Variants in LIMK1 observed in about 807,000 individuals in gnomAD.
The protein encoded by LIMK1 is LIM motif-containing protein kinase.
In LIMK1, 21 loss-of-function variants were observed where a neutral mutation model predicts 77.6. The ratio of observed to expected loss-of-function variants is 0.27; its 90% confidence interval spans 0.19 to 0.39. The LOEUF (loss-of-function observed/expected upper bound fraction) is 0.39. Among genes scored for constraint, LIMK1 ranks in the 10% least tolerant of loss-of-function variants. The probability of loss-of-function intolerance (pLI) is 1.00; values close to 1 mark genes in which losing one functional copy is unlikely to be tolerated. For missense variants in LIMK1, 696 were observed against 901.6 expected (o/e 0.77, Z 2.92); for synonymous variants, 358 against 370.0 (o/e 0.97, Z 0.37).
intron 10 of LIMK1, 71 bp downstream of exon 10, chr7:74,109,107 A>T (rs1168663486): frequency 2.4e-6 from 3 of 1,228,638 alleles, no homozygotes; most frequent in Non-Finnish European, 3.5e-6. Flanking sequence ...TGTGAGCCTC[A>T]GTCTCATCTC....
At chr7:74,105,467 T>C (rs939998946) in intron 5 of LIMK1, among the ~76,000 whole-genome samples, 5 of 150,750 alleles carry the variant, frequency 3.3e-5, no homozygotes, top group African/African-American at 9.8e-5. Flanking sequence ...GAGCTGAGAT[T>C]GTGCCATTGC....
At chr7:74,118,377 A>ACACACACAC (rs1799861424) in intron 13 of LIMK1, among the ~76,000 whole-genome samples, 1 of 130,044 alleles carries the variant, frequency 7.7e-6, no homozygotes, top group African/African-American at 3.0e-5. Flanking sequence ...CTCTGTGTCA[A>ACACACACAC]ACACACACAC....
In LIMK1 at chr7:74,107,001, G is replaced by GC. The variant is rs782176889; in HGVS notation, c.882-3dup. 6.4e-7 allele frequency: 1 copy of GC among 1,566,370 alleles called. No individual in the cohort carries two copies. The highest frequency in any genetic ancestry group is 8.6e-7 in the Non-Finnish European group (1 of 1,156,530). On this transcript the variant is annotated splice_polypyrimidine_tract_variant and intron_variant, in intron 7 of 15. Transcript: ENST00000336180. The stretch of plus-strand genomic sequence containing the variant: ...CCCGGTGGCACTTGGCACCATGTGT[G>GC]CCCCCCAGGAGGAGCTGCAGCATCG...
chr7:74,091,954 C>CG (rs1799245151), intron 2 of LIMK1, among the ~76,000 whole-genome samples: 20 of 80,624 alleles, frequency 2.5e-4, no homozygotes, highest in Non-Finnish European at 3.6e-4. Flanking sequence ...GGCTGTACAG[C>CG]TTTTTTTTTT....
chr7:74,115,954 C>G lies in LIMK1; in HGVS notation c.1563C>G (p.Ile521Met). 2 of 1,613,842 alleles carry G rather than the reference C, an allele frequency of 1.2e-6. No individual in the cohort carries two copies. The highest frequency in any genetic ancestry group is 1.7e-6 in the Non-Finnish European group (2 of 1,179,774). ...CCTACTGGATGGCACCTGAGATGAT[C>G]AACGGTGAGTGGTTCAGCCCTGCCC... ...GNPYWMAPEM[I>M]NGRSYDEKVD... The change falls in exon 13 of 16, where the codon ATC (isoleucine) becomes ATG (methionine). Residue 521 changes from isoleucine to methionine, a missense_variant. By Grantham distance (10) the Ile-to-Met change is conservative. Transcript: ENST00000336180.
intron 7 of LIMK1, 98 bp from the exon 8 acceptor site, chr7:74,106,912 C>T (rs782145111): frequency 4.6e-4 from 560 of 1,205,358 alleles, no homozygotes; most frequent in Admixed American, 5.9e-4. Context: ...CATAGACTGG[C>T]ATGGACAGGG....
chr7:74,098,259 T>G (rs1799375191), intron 4 of LIMK1, among the ~76,000 whole-genome samples: 1 of 152,128 alleles, frequency 6.6e-6, no homozygotes, highest in African/African-American at 2.4e-5. Context: ...TCTGAGGGGC[T>G]CATGAATAAC....
At chr7:74,116,019 A>G in intron 13 of LIMK1, 61 bp downstream of exon 13, 21 of 1,551,752 alleles carry the variant, frequency 1.4e-5, no homozygotes, top group Non-Finnish European at 1.7e-5. Context: ...AGCCCAGGAG[A>G]GCTGTAACCT....
rs200431242 is a variant in LIMK1, at chr7:74,112,045, G to A, written c.1410+47G>A. 347 of 1,467,268 alleles carry A rather than the reference G, an allele frequency of 2.4e-4. 2 individuals are homozygous for A. In the East Asian group the frequency reaches 4.6e-3, roughly 20 times the overall value. 90.9% of individuals were successfully genotyped at this position (1,467,268 alleles called of 1,614,324 possible). ...GGCTGGGTGTCAGGAGACAGCAGGA[G>A]CCCATCCAACCCCAGCCTCAGGGCC... is the stretch of plus-strand genomic sequence containing the variant. On this transcript the variant is annotated intron_variant, in intron 12 of 15. Transcript: ENST00000336180.
Position 74,121,406 on chromosome 7 carries a change from T to G in LIMK1, c.*105T>G. 1.7e-6 allele frequency: 2 copies of G among 1,178,476 alleles called. No homozygotes were observed. Among genetic ancestry groups the G allele is most frequent in the Non-Finnish European group, 2.3e-6 (2 of 860,652 alleles). 73.0% of individuals were successfully genotyped at this position (1,178,476 alleles called of 1,614,324 possible). A position where few individuals can be genotyped will look rare whatever the true frequency, so the allele number is the denominator to read the frequency against. ...AGCTGGGACAGTGGGGACCCAGGCT[T>G]CTCCTCAGAGCCAGGCCCTGACTTG... On this transcript the variant is annotated 3_prime_UTR_variant, in exon 16 of 16. Coordinates refer to ENST00000336180, the MANE Select transcript of LIMK1 (RefSeq NM_002314.4).
intron 12 of LIMK1, among the ~76,000 whole-genome samples, chr7:74,114,060 C>T (rs1799756430): frequency 6.6e-6 from 1 of 151,946 alleles, no homozygotes; most frequent in Non-Finnish European, 1.5e-5. Flanking sequence ...AGACCAGCCT[C>T]ACCAACACAG....
intron 12 of LIMK1, chr7:74,115,379 C>T (rs466726): frequency 0.71 from 113,970 of 161,404 alleles, 41,228 homozygotes; most frequent in Middle Eastern, 0.86. Flanking sequence ...GCCGAGATCG[C>T]GCCACTGCGC....
rs534243220 is a variant in LIMK1 at position 74,092,531 on chromosome 7, C to T, written c.153-4091C>T. ...CCTGCCCCTTTCTGTGTTCTGACCT[C>T]CCAGCCCCTTGCAGGCCCTGCCTCC... is the stretch of plus-strand genomic sequence containing the variant. On this transcript the variant is annotated intron_variant, in intron 2 of 15. Transcript: ENST00000336180. Among the ~76,000 whole-genome samples the T allele has an allele frequency of 3.9e-5, 6 of 152,308 alleles. No homozygotes were observed. The East Asian group carries it at 1.2e-3, about 29-fold the overall frequency.
Position 74,109,043 on chromosome 7 carries a change from C to T in LIMK1, c.1284+7C>T. The T allele has an allele frequency of 6.2e-7, 1 of 1,609,456 alleles. No individual in the cohort carries two copies. Among genetic ancestry groups the T allele is most frequent in the East Asian group, 2.2e-5 (1 of 44,812 alleles). ...GGGCATCATCAAGAGCATGGTGAGT[C>T]CTGGGCAGAGCCAGCCACCCCCGCT... is the stretch of plus-strand genomic sequence containing the variant. On this transcript the variant is annotated splice_region_variant and intron_variant, in intron 10 of 15. Transcript: ENST00000336180.
chr7:74,086,885 G>T (rs1002386349), intron 2 of LIMK1, among the ~76,000 whole-genome samples: 5 of 152,150 alleles, frequency 3.3e-5, no homozygotes, highest in African/African-American at 1.2e-4. Flanking sequence ...CAGGCTGCTT[G>T]CGAACATGCA....
intron 5 of LIMK1, among the ~76,000 whole-genome samples, chr7:74,104,310 C>T (rs1799523654): frequency 6.6e-6 from 1 of 151,912 alleles, no homozygotes; most frequent in East Asian, 1.9e-4. Context: ...AGGGCAGAGA[C>T]AAAGTGAGCA....
At position 74,120,984 on chromosome 7, in the gene LIMK1, C is replaced by T; in HGVS notation, c.1716C>T (p.Pro572=). 1 of 1,611,924 alleles carries T rather than the reference C, an allele frequency of 6.2e-7. No individual in the cohort carries two copies. Among genetic ancestry groups the T allele is most frequent in the South Asian group, 1.1e-5 (1 of 90,930 alleles). Residue 572 remains proline, a synonymous_variant, in exon 15 of 16, where the codon CCC becomes CCT. Coordinates refer to ENST00000336180, the MANE Select transcript of LIMK1 (RefSeq NM_002314.4). The part of the protein sequence containing the change: ...NVRGFLDRYC[P]PNCPPSFFPI... The stretch of plus-strand genomic sequence containing the variant: ...GAGGATTCCTGGACCGCTACTGCCC[C>T]CCAAACTGCCCCCCGAGCTTCTTCC...
chr7:74,108,181 A>T (rs1017608826), intron 9 of LIMK1, among the ~76,000 whole-genome samples: 7 of 151,388 alleles, frequency 4.6e-5, no homozygotes, highest in East Asian at 1.9e-4. Context: ...CTACAAAAAA[A>T]TTTTAAATTA....
intron 2 of LIMK1, among the ~76,000 whole-genome samples, chr7:74,089,168 A>G (rs1156951598): frequency 1.3e-5 from 2 of 152,208 alleles, no homozygotes; most frequent in Non-Finnish European, 1.5e-5. Context: ...TGAAGGTTGT[A>G]ACATCTAGAG....
Sources: allele counts gnomAD v4.1 joint callset (sites outside exome capture counted in the v4.1 genomes callset), GRCh38; gene constraint gnomAD v4.1.1; transcripts MANE v1.5; gene names NCBI Gene and HGNC (gene_info 2026-07-23, HGNC 2026-07-21).